Variants in EDA observed in about 807,000 individuals in gnomAD.
EDA encodes ectodysplasin-A.
A neutral mutation model predicts 23.6 loss-of-function variants in EDA; 2 were observed. The ratio of observed to expected loss-of-function variants is 0.08; its 90% CI spans 0.03 to 0.27. EDA has a LOEUF of 0.27. Among genes scored for constraint, EDA ranks in the 10% least tolerant of loss-of-function variants. The pLI, the probability that EDA is intolerant of heterozygous loss-of-function variation, is 1.00. For missense variants in EDA, 229 were observed against 324.2 expected (o/e 0.71, Z 2.26); for synonymous variants, 131 against 132.0 (o/e 0.99, Z 0.05).
At chrX:70,018,933 G>C (rs749814123) in intron 2 of EDA, among the ~76,000 whole-genome samples, 1 of 111,791 alleles carries the variant, frequency 8.9e-6, no homozygotes, top group Non-Finnish European at 1.9e-5. Flanking sequence ...GAAAATATTT[G>C]CAAACAATGT....
At chrX:69,924,505 A>G (rs1602537831) in intron 1 of EDA, among the ~76,000 whole-genome samples, 1 of 111,164 alleles carries the variant, frequency 9.0e-6, no homozygotes. Flanking sequence ...CCATTGGTCT[A>G]TATGTCTGTT....
intron 1 of EDA, among the ~76,000 whole-genome samples, chrX:69,890,082 A>G (rs1356005978): frequency 9.0e-6 from 1 of 111,477 alleles, no homozygotes; most frequent in Non-Finnish European, 1.9e-5. Flanking sequence ...CCTTCTTTTT[A>G]TTAAATTCAA....
rs141285995 is a variant in EDA at position 69,833,352 on chromosome X, G to A, written c.397-123675G>A. 3.0e-4 allele frequency among the ~76,000 whole-genome samples: 34 copies of A among 111,579 alleles called. No homozygotes were observed. The East Asian group carries it at 8.2e-3, about 27-fold the overall frequency. On this transcript the variant is annotated intron_variant, in intron 1 of 7. Coordinates refer to ENST00000374552, the MANE Select transcript of EDA (RefSeq NM_001399.5). ...GTGTGGATTACGTTTATTGATTTGC[G>A]TATGTTGAACCAGCCTTGCATCCCA... is the stretch of plus-strand genomic sequence containing the variant.
At chrX:70,009,951 T>C (rs2019853941) in intron 2 of EDA, among the ~76,000 whole-genome samples, 1 of 112,351 alleles carries the variant, frequency 8.9e-6, no homozygotes, top group African/African-American at 3.2e-5. Context: ...TATTAATTTT[T>C]AGTGTAATTC....
intron 2 of EDA, among the ~76,000 whole-genome samples, chrX:70,007,586 T>C (rs1378555402): frequency 9.0e-6 from 1 of 111,598 alleles, no homozygotes; most frequent in African/African-American, 3.3e-5. Context: ...CAATTAAACC[T>C]CTTTTCTTTA....
intron 2 of EDA, among the ~76,000 whole-genome samples, chrX:69,997,577 G>A (rs201283640): frequency 5.8e-5 from 6 of 102,717 alleles, no homozygotes; most frequent in East Asian, 3.3e-4. Context: ...ATTTGCATAA[G>A]TAATCAGAAG....
intron 1 of EDA, among the ~76,000 whole-genome samples, chrX:69,625,992 T>G (rs1194237113): frequency 9.1e-6 from 1 of 110,447 alleles, no homozygotes; most frequent in Non-Finnish European, 1.9e-5. Context: ...AACAAAAAAA[T>G]GAGCAAAAGA....
intron 1 of EDA, among the ~76,000 whole-genome samples, chrX:69,761,923 G>A (rs1489715302): frequency 9.0e-6 from 1 of 110,861 alleles, no homozygotes; most frequent in Non-Finnish European, 1.9e-5. Flanking sequence ...TTAGAACATA[G>A]GGAGTCCTCT....
intron 1 of EDA, among the ~76,000 whole-genome samples, chrX:69,661,082 T>G (rs1269482254): frequency 9.0e-6 from 1 of 110,682 alleles, no homozygotes; most frequent in Non-Finnish European, 1.9e-5. Flanking sequence ...TGATTTGCAT[T>G]TCTCTGATGG....
intron 1 of EDA, among the ~76,000 whole-genome samples, chrX:69,745,839 C>T (rs192303919): frequency 5.8e-4 from 64 of 110,736 alleles, no homozygotes; most frequent in Non-Finnish European, 6.6e-4. Flanking sequence ...AATAGAAATA[C>T]TAGCCAGGTG....
intron 1 of EDA, among the ~76,000 whole-genome samples, chrX:69,902,063 AT>A (rs1455671520): frequency 8.9e-6 from 1 of 112,277 alleles, no homozygotes; most frequent in Non-Finnish European, 1.9e-5. Flanking sequence ...TGACCAGGGC[AT>A]TAGAAAGCTG....
intron 1 of EDA, among the ~76,000 whole-genome samples, chrX:69,910,372 A>T (rs1782124): frequency 9.3e-4 from 48 of 51,440 alleles, no homozygotes; most frequent in South Asian, 3.4e-3. Flanking sequence ...AGAGAGAGAG[A>T]GAGTGTGTGT....
chrX:69,734,492 C>T (rs191847342), intron 1 of EDA, among the ~76,000 whole-genome samples: 1,757 of 111,107 alleles, frequency 0.016, 30 homozygotes, highest in African/African-American at 0.055. Context: ...ATTTGCTCTT[C>T]TTTCTTTAGT....
At chrX:69,638,649 T>A (rs1372416870) in intron 1 of EDA, among the ~76,000 whole-genome samples, 1 of 111,879 alleles carries the variant, frequency 8.9e-6, no homozygotes, top group Non-Finnish European at 1.9e-5. Context: ...AATAAAACTT[T>A]CTCTGGGTTA....
In EDA at chrX:69,681,857, G is replaced by T. The variant is rs1320384615; in HGVS notation, c.396+65153G>T. On this transcript the variant is annotated intron_variant, in intron 1 of 7. Transcript: ENST00000374552. The stretch of plus-strand genomic sequence containing the variant: ...ATTCTCCGTCCGGCTTTGTTCCGTT[G>T]CTGGTGAGGAACTGTGTTCCTTTGG... Among the ~76,000 whole-genome samples, 5 of 111,884 alleles carry T rather than the reference G, an allele frequency of 4.5e-5. No homozygotes were observed. In the East Asian group the frequency reaches 1.1e-3, roughly 25 times the overall value.
At chrX:69,979,890 T>A (rs1412323362) in intron 2 of EDA, among the ~76,000 whole-genome samples, 1 of 111,804 alleles carries the variant, frequency 8.9e-6, no homozygotes, top group Admixed American at 9.5e-5. Flanking sequence ...TTTGATAAAG[T>A]TCAATTCATC....
At chrX:70,001,309 G>A (rs968646444) in intron 2 of EDA, among the ~76,000 whole-genome samples, 1 of 111,666 alleles carries the variant, frequency 9.0e-6, no homozygotes, top group Non-Finnish European at 1.9e-5. Context: ...TAGCACAATA[G>A]CTAGCCATCT....
At chrX:69,798,372 C>T (rs1181918195) in intron 1 of EDA, among the ~76,000 whole-genome samples, 1 of 111,757 alleles carries the variant, frequency 8.9e-6, no homozygotes, top group Non-Finnish European at 1.9e-5. Flanking sequence ...ACATTCTTCT[C>T]ATCAGCATGT....
intron 1 of EDA, among the ~76,000 whole-genome samples, chrX:69,676,720 G>T (rs942984777): frequency 9.0e-6 from 1 of 111,208 alleles, no homozygotes; most frequent in African/African-American, 3.3e-5. Flanking sequence ...CATATCTTCA[G>T]TGGTTTCCCA....
Sources: gnomAD v4.1 joint callset for allele counts (sites outside exome capture counted in the v4.1 genomes callset) on GRCh38, gnomAD v4.1.1 for gene constraint, MANE v1.5 for transcripts, NCBI Gene and HGNC (gene_info 2026-07-23, HGNC 2026-07-21) for gene names.